MICAL2: variants seen among roughly 807,000 people sequenced by gnomAD.
The protein encoded by MICAL2 is microtubule associated monooxygenase, calponin and LIM domain containing 2.
A neutral mutation model predicts 127.3 loss-of-function variants in MICAL2; 77 were observed. That is an observed-to-expected ratio of 0.60 (90% CI 0.50 to 0.73). MICAL2 has a LOEUF of 0.73. Ranked by LOEUF, MICAL2 falls within the 30% of genes least tolerant of loss-of-function variation. The pLI is 0.00. For synonymous variants in MICAL2, 570 were observed against 551.1 expected (o/e 1.03, Z -0.48); for missense variants, 1,351 against 1,434.4 (o/e 0.94, Z 0.94).
intron 32 of MICAL2, among the ~76,000 whole-genome samples, chr11:12,337,997 C>G (rs1328954851): frequency 6.6e-6 from 1 of 152,086 alleles, no homozygotes; most frequent in Non-Finnish European, 1.5e-5. Context: ...GAGTTCAATT[C>G]CTCGATATCC....
chr11:12,169,876 G>A (rs574339565), intron 3 of MICAL2, among the ~76,000 whole-genome samples: 2 of 152,334 alleles, frequency 1.3e-5, no homozygotes, highest in East Asian at 1.9e-4. Context: ...AATAGTGCAA[G>A]GGAGTACCAA....
intron 14 of MICAL2, among the ~76,000 whole-genome samples, chr11:12,226,641 T>G (rs1857497628): frequency 6.8e-6 from 1 of 147,668 alleles, no homozygotes; most frequent in Non-Finnish European, 1.5e-5. Context: ...TTTTTTGTTG[T>G]TTGTTTTTGG....
intron 2 of MICAL2, among the ~76,000 whole-genome samples, chr11:12,155,201 C>T (rs2133752895): frequency 6.6e-6 from 1 of 152,224 alleles, no homozygotes; most frequent in East Asian, 1.9e-4. Flanking sequence ...AGAGACAGAG[C>T]TTGAAGAGGT....
intron 1 of MICAL2, among the ~76,000 whole-genome samples, chr11:12,280,650 G>C (rs1863761678): frequency 6.6e-6 from 1 of 152,204 alleles, no homozygotes; most frequent in African/African-American, 2.4e-5. Flanking sequence ...CATGGGACAA[G>C]GGCCCAGCCT....
intron 3 of MICAL2, among the ~76,000 whole-genome samples, chr11:12,175,975 G>A (rs900019264): frequency 6.6e-6 from 1 of 152,160 alleles, no homozygotes; most frequent in Non-Finnish European, 1.5e-5. Flanking sequence ...AGCCACAGGA[G>A]GCTTTGAGTG....
intron 33 of MICAL2, among the ~76,000 whole-genome samples, chr11:12,351,649 C>G (rs535123451): frequency 1.3e-5 from 2 of 152,128 alleles, no homozygotes; most frequent in Admixed American, 1.3e-4. Flanking sequence ...AAATTTACCT[C>G]CCCTGGGGTG....
At chr11:12,113,773 A>G (rs1022562884) in intron 1 of MICAL2, among the ~76,000 whole-genome samples, 2 of 151,960 alleles carry the variant, frequency 1.3e-5, no homozygotes, top group African/African-American at 4.8e-5. Flanking sequence ...CAGCATATAT[A>G]GGGTTTGGTA....
chr11:12,297,308 G>A (rs1863997033), intron 29 of MICAL2, among the ~76,000 whole-genome samples: 2 of 152,070 alleles, frequency 1.3e-5, no homozygotes, highest in Admixed American at 6.6e-5. Context: ...ATGTTGAGAA[G>A]CCATTTGCAT....
upstream of MICAL2, among the ~76,000 whole-genome samples, chr11:12,272,491 G>A (rs1271759151): frequency 6.6e-6 from 1 of 152,166 alleles, no homozygotes; most frequent in African/African-American, 2.4e-5. Context: ...CCTAGCACAG[G>A]CCTGGATCTG....
intron 2 of MICAL2, among the ~76,000 whole-genome samples, chr11:12,141,483 C>T (rs899567921): frequency 6.6e-6 from 1 of 152,194 alleles, no homozygotes; most frequent in Non-Finnish European, 1.5e-5. Flanking sequence ...TCATCCTGAT[C>T]TTTGTAGCTT....
At chr11:12,208,681 T>C (rs537889867) in intron 5 of MICAL2, among the ~76,000 whole-genome samples, 1 of 152,362 alleles carries the variant, frequency 6.6e-6, no homozygotes, top group South Asian at 2.1e-4. Flanking sequence ...CTTTTTTCCT[T>C]TTAGCATGTT....
At chr11:12,165,073 A>G (rs934458339) in intron 3 of MICAL2, among the ~76,000 whole-genome samples, 16 of 148,098 alleles carry the variant, frequency 1.1e-4, no homozygotes, top group African/African-American at 4.0e-4. Context: ...CAGGAGGCAT[A>G]GGTTGCAGTG....
intron 29 of MICAL2, among the ~76,000 whole-genome samples, chr11:12,316,880 C>G (rs776382799): frequency 3.3e-5 from 5 of 152,244 alleles, no homozygotes; most frequent in East Asian, 3.9e-4. Flanking sequence ...TCTATAATAA[C>G]CTTTACTCTA....
intron 2 of MICAL2, among the ~76,000 whole-genome samples, chr11:12,281,861 G>T (rs1276233290): frequency 6.6e-6 from 1 of 152,194 alleles, no homozygotes; most frequent in East Asian, 1.9e-4. Context: ...ACCTGGAACT[G>T]AGTGTTTTGA....
chr11:12,160,645 A>G (rs773043684), intron 2 of MICAL2, among the ~76,000 whole-genome samples: 1 of 152,160 alleles, frequency 6.6e-6, no homozygotes, highest in Non-Finnish European at 1.5e-5. Context: ...CCTAAAATTG[A>G]AGCTTTCTTG....
chr11:12,332,307 A>G (rs1938656846), intron 32 of MICAL2, among the ~76,000 whole-genome samples: 1 of 152,232 alleles, frequency 6.6e-6, no homozygotes, highest in Non-Finnish European at 1.5e-5. Flanking sequence ...GTGCATTCAT[A>G]AGTCAGCAGA....
At chr11:12,206,452 C>T (rs966413725) in intron 4 of MICAL2, among the ~76,000 whole-genome samples, 4 of 152,152 alleles carry the variant, frequency 2.6e-5, no homozygotes, top group Admixed American at 6.5e-5. Flanking sequence ...ATTTATTGAG[C>T]ACCTACTGTG....
chr11:12,341,110 G>A (rs1417836534), intron 32 of MICAL2, among the ~76,000 whole-genome samples: 2 of 152,184 alleles, frequency 1.3e-5, no homozygotes, highest in Non-Finnish European at 2.9e-5. Context: ...GTCTGTGCAT[G>A]AGCTCCAGAG....
At chr11:12,349,902 T>C (rs761628931) in exon 33 of MICAL2, 4 of 1,613,956 alleles carry the variant, frequency 2.5e-6, no homozygotes, top group African/African-American at 2.7e-5. Context: ...TGGAGAAGAA[T>C]AAATTAATGC....
Sources: allele counts gnomAD v4.1 joint callset (sites outside exome capture counted in the v4.1 genomes callset), GRCh38; gene constraint gnomAD v4.1.1; transcripts MANE v1.5; gene names NCBI Gene and HGNC (gene_info 2026-07-23, HGNC 2026-07-21).